The following DPYD variants were observed in gnomAD, a reference collection of about 807,000 sequenced individuals.
The protein encoded by DPYD is dihydropyrimidine dehydrogenase.
In DPYD, 109 loss-of-function variants were observed where a neutral mutation model predicts 116.2. That is an observed-to-expected ratio of 0.94 (90% CI 0.80 to 1.10). The LOEUF is 1.10. DPYD is among the 50% of genes least tolerant of loss of function. The pLI, the probability that DPYD is intolerant of heterozygous loss-of-function variation, is 0.00. For missense variants in DPYD, 1,302 were observed against 1,254.5 expected (o/e 1.04, Z -0.57); for synonymous variants, 440 against 432.0 (o/e 1.02, Z -0.23).
At chr1:97,113,373 T>C (rs139049695) in intron 20 of DPYD, among the ~76,000 whole-genome samples, 223 of 152,186 alleles carry the variant, frequency 1.5e-3, no homozygotes, top group Non-Finnish European at 2.8e-3. Context: ...TAAGAAAAGG[T>C]AATAAATTGA....
At chr1:97,333,517 A>AT (rs778577478) in intron 16 of DPYD, among the ~76,000 whole-genome samples, 11,660 of 97,020 alleles carry the variant, frequency 0.12, 999 homozygotes, top group East Asian at 0.19. Flanking sequence ...AAGTCTTAGG[A>AT]TTTTTTTTTT....
At chr1:97,490,328 A>G (rs1454094543) in intron 13 of DPYD, among the ~76,000 whole-genome samples, 1 of 148,230 alleles carries the variant, frequency 6.7e-6, no homozygotes, top group African/African-American at 2.5e-5. Context: ...TATAGAATAT[A>G]CTGATAATAT....
intron 20 of DPYD, among the ~76,000 whole-genome samples, chr1:97,099,689 A>G (rs1227922083): frequency 6.6e-6 from 1 of 152,094 alleles, no homozygotes; most frequent in Non-Finnish European, 1.5e-5. Context: ...GGAAAACTAC[A>G]GCACTCGAAG....
At chr1:97,811,774 G>C (rs1372961595) in intron 3 of DPYD, among the ~76,000 whole-genome samples, 1 of 152,030 alleles carries the variant, frequency 6.6e-6, no homozygotes, top group African/African-American at 2.4e-5. Context: ...GAAATTCAAA[G>C]TGTATATGAT....
intron 12 of DPYD, 113 bp from the exon 13 acceptor site, chr1:97,516,054 T>C: frequency 1.8e-6 from 2 of 1,088,888 alleles, no homozygotes; most frequent in South Asian, 1.4e-5. Context: ...ATTACAACAG[T>C]CTGTTTACAA....
At chr1:97,680,788 G>A (rs557121069) in intron 7 of DPYD, among the ~76,000 whole-genome samples, 62 of 152,230 alleles carry the variant, frequency 4.1e-4, no homozygotes, top group Middle Eastern at 3.4e-3. Flanking sequence ...GTGGGTGGAA[G>A]ATGAACTCTA....
intron 19 of DPYD, among the ~76,000 whole-genome samples, chr1:97,212,931 G>C (rs1274865592): frequency 6.6e-6 from 1 of 152,098 alleles, no homozygotes; most frequent in Non-Finnish European, 1.5e-5. Flanking sequence ...TAACAAAAAT[G>C]CCATAGACTG....
Position 97,260,890 on chromosome 1 carries a change from T to C in DPYD, c.2300-25896A>G, listed in dbSNP as rs372305297. Among the ~76,000 whole-genome samples, 3 of 152,122 alleles carry C rather than the reference T, an allele frequency of 2.0e-5. No homozygotes were observed. In the East Asian group the frequency reaches 5.8e-4, roughly 29 times the overall value. ...GAGGGAGTTCAGAGAGCAGGCAAGT[T>C]CCAGAAAGTACATGGAGGCAGTAAG... On this transcript the variant is annotated intron_variant, in intron 18 of 22. Coordinates refer to ENST00000370192, the MANE Select transcript of DPYD (RefSeq NM_000110.4).
chr1:97,749,229 A>C (rs1571295485), intron 3 of DPYD, among the ~76,000 whole-genome samples: 2 of 152,306 alleles, frequency 1.3e-5, no homozygotes, highest in South Asian at 2.1e-4. Flanking sequence ...TCTTTCTGTA[A>C]GTTCTGAAAG....
chr1:97,608,476 TAA>T (rs1273863763), intron 8 of DPYD, among the ~76,000 whole-genome samples: 1 of 151,650 alleles, frequency 6.6e-6, no homozygotes, highest in Non-Finnish European at 1.5e-5. Context: ...CAAAACCAAA[TAA>T]AGACTCCTAG....
chr1:97,801,484 T>C (rs1278970110), intron 3 of DPYD, among the ~76,000 whole-genome samples: 1 of 151,918 alleles, frequency 6.6e-6, no homozygotes, highest in Admixed American at 6.6e-5. Context: ...GCATTAAAGA[T>C]TTTTAAAATG....
chr1:97,432,514 A>AT lies in DPYD; in HGVS notation c.1905+17544dup, dbSNP rs945519333. On this transcript the variant is annotated intron_variant, in intron 14 of 22. Transcript: ENST00000370192. ...ACTGTTTTTCCACCTCTCCCACTAG[A>AT]TTTTTTTTTTCCACATTTATCATGG... 3.7e-4 allele frequency among the ~76,000 whole-genome samples: 56 copies of AT among 149,924 alleles called. No homozygotes were observed. In the East Asian group the frequency reaches 8.8e-3, roughly 24 times the overall value.
chr1:97,258,494 C>A (rs1041074783), intron 18 of DPYD, among the ~76,000 whole-genome samples: 4 of 152,106 alleles, frequency 2.6e-5, no homozygotes, highest in East Asian at 3.9e-4. Context: ...AAAAGTGATA[C>A]CTGCTTAAGT....
intron 18 of DPYD, among the ~76,000 whole-genome samples, chr1:97,246,997 A>G (rs529619344): frequency 6.6e-6 from 1 of 152,298 alleles, no homozygotes; most frequent in East Asian, 1.9e-4. Flanking sequence ...TCTAGAGATC[A>G]TAAAGTTCTT....
intron 14 of DPYD, among the ~76,000 whole-genome samples, chr1:97,439,549 C>G (rs973705225): frequency 1.2e-4 from 19 of 152,090 alleles, no homozygotes; most frequent in African/African-American, 4.6e-4. Context: ...TCTGTAGAAT[C>G]TGCAGTGATG....
intron 5 of DPYD, among the ~76,000 whole-genome samples, chr1:97,707,668 T>C (rs1489953441): frequency 1.3e-5 from 2 of 151,998 alleles, no homozygotes; most frequent in African/African-American, 2.4e-5. Flanking sequence ...CAGTTTATGG[T>C]ATTTTGTTGT....
intron 5 of DPYD, chr1:97,720,834 G>T: frequency 6.3e-7 from 1 of 1,596,874 alleles, no homozygotes; most frequent in South Asian, 1.1e-5. Context: ...CCTGCTTGTT[G>T]ACTCCAAATA....
At chr1:97,682,136 T>C (rs978260841) in intron 7 of DPYD, among the ~76,000 whole-genome samples, 2 of 152,044 alleles carry the variant, frequency 1.3e-5, no homozygotes, top group Non-Finnish European at 2.9e-5. Flanking sequence ...AAGATGCTCA[T>C]TCTGTATTTA....
intron 13 of DPYD, among the ~76,000 whole-genome samples, chr1:97,465,804 C>T (rs1369141471): frequency 2.0e-5 from 3 of 152,082 alleles, no homozygotes; most frequent in East Asian, 1.9e-4. Context: ...AGCTGTAGCT[C>T]GATTATCTTG....
Sources: allele counts gnomAD v4.1 joint callset (sites outside exome capture counted in the v4.1 genomes callset), GRCh38; gene constraint gnomAD v4.1.1; transcripts MANE v1.5; gene names NCBI Gene and HGNC (gene_info 2026-07-23, HGNC 2026-07-21).